LRP6: variants seen among roughly 807,000 people sequenced by gnomAD.
The protein encoded by LRP6 is LDL receptor related protein 6, also known as low-density lipoprotein receptor-related protein 6.
In LRP6, 43 loss-of-function variants were observed where a neutral mutation model predicts 184.1. The observed-to-expected ratio is 0.23, with a 90% CI of 0.18 to 0.30. The LOEUF (loss-of-function observed/expected upper bound fraction) is 0.30. Among genes scored for constraint, LRP6 ranks in the 10% least tolerant of loss-of-function variants. LRP6 has a pLI of 1.00. For synonymous variants in LRP6, 719 were observed against 684.9 expected (o/e 1.05, Z -0.78); for missense variants, 1,571 against 2,005.3 (o/e 0.78, Z 4.14).
chr12:12,266,129 T>A (rs1476466265), intron 1 of LRP6, among the ~76,000 whole-genome samples: 1 of 152,100 alleles, frequency 6.6e-6, no homozygotes, highest in Non-Finnish European at 1.5e-5. Context: ...CGGAGTCACT[T>A]TCCAACTGCG....
chr12:12,124,477 C>T (rs958594341), intron 22 of LRP6, 88 bp downstream of exon 22: 55 of 876,816 alleles, frequency 6.3e-5, no homozygotes, highest in Non-Finnish European at 9.6e-5. Flanking sequence ...TGGTGACCAT[C>T]GTCTACTCAT....
intron 2 of LRP6, among the ~76,000 whole-genome samples, chr12:12,206,314 G>A (rs901235536): frequency 2.0e-4 from 31 of 151,406 alleles, no homozygotes; most frequent in South Asian, 6.3e-4. Flanking sequence ...AGGCCGAGGC[G>A]GGCAGATCAC....
At chr12:12,126,059 C>T (rs1350880560) in intron 20 of LRP6, among the ~76,000 whole-genome samples, 1 of 152,140 alleles carries the variant, frequency 6.6e-6, no homozygotes, top group African/African-American at 2.4e-5. Flanking sequence ...TTTTGCAAGG[C>T]ACCGCCTTCT....
At chr12:12,154,169 C>T (rs904530020) in intron 12 of LRP6, among the ~76,000 whole-genome samples, 1 of 152,218 alleles carries the variant, frequency 6.6e-6, no homozygotes, top group Non-Finnish European at 1.5e-5. Flanking sequence ...TTCATTCCAG[C>T]AACACTAGCT....
intron 16 of LRP6, among the ~76,000 whole-genome samples, 179 bp from the exon 17 acceptor site, chr12:12,135,479 C>CATTATTATTATTATTATTATT (rs35053686): frequency 5.1e-4 from 74 of 144,178 alleles, no homozygotes; most frequent in Non-Finnish European, 8.3e-4. Context: ...TTACTTTTAT[C>CATTATTATTATTATTATTATT]ATTATTATTA....
Position 12,149,118 on chromosome 12 carries a change from C to G in LRP6, c.3030G>C (p.Gln1010His). The change falls in exon 14 of 23, where the codon CAG becomes CAC. Residue 1010 changes from glutamine (Q) to histidine (H), a missense_variant. Around this residue, in one of 4 missense-constraint regions of LRP6, gnomAD observed 763 missense variants for 859.5 expected, o/e 0.89. Coordinates refer to ENST00000261349, the MANE Select transcript of LRP6 (RefSeq NM_002336.3). Reference sequence around the variant, plus strand: ...GGTCATAGGGTTGTATTTCCAGGTTCTGACTCGGAACTGAGCTCACAACCA... The same window carrying G: ...GGTCATAGGGTTGTATTTCCAGGTTGTGACTCGGAACTGAGCTCACAACCA... ...FTVVVSSVPSQNLEIQPYDLS... is the reference protein window; with the variant it reads ...FTVVVSSVPSHNLEIQPYDLS... 1.9e-6 allele frequency: 3 copies of G among 1,613,970 alleles called. No homozygotes were observed. The highest frequency in any genetic ancestry group is 2.5e-6 in the Non-Finnish European group (3 of 1,179,988).
chr12:12,240,610 T>C (rs904801636), intron 2 of LRP6, among the ~76,000 whole-genome samples: 1 of 151,928 alleles, frequency 6.6e-6, no homozygotes, highest in African/African-American at 2.4e-5. Context: ...AATACATACT[T>C]TTAAAATATA....
intron 2 of LRP6, among the ~76,000 whole-genome samples, chr12:12,223,564 ACC>A (rs1218004365): frequency 1.3e-5 from 2 of 152,120 alleles, no homozygotes; most frequent in African/African-American, 2.4e-5. Context: ...TGGGCCTAAC[ACC>A]CTCCCCCAGT....
In LRP6 at chr12:12,183,983, C is replaced by A. The variant is rs750201437; in HGVS notation, c.973G>T (p.Asp325Tyr). Reference protein sequence around the residue: ...KLLENGKTCKDGATELLLLAR... With the variant: ...KLLENGKTCKYGATELLLLAR... Reference sequence around the variant, plus strand: ...ATTTTGGATAATATCTTCTTACCATCTTTGCAGGTTTTTCCATTCTCCAGG... The same window carrying A: ...ATTTTGGATAATATCTTCTTACCATATTTGCAGGTTTTTCCATTCTCCAGG... Residue 325 changes from aspartate (D) to tyrosine (Y), a missense_variant, in exon 5 of 23, where the codon GAT (aspartate) becomes TAT (tyrosine). Physicochemically the swap from Asp to Tyr is radical, Grantham distance 160. Coordinates refer to ENST00000261349, the MANE Select transcript of LRP6 (RefSeq NM_002336.3). 6.2e-7 allele frequency: 1 copy of A among 1,613,234 alleles called. No homozygotes were observed. The highest frequency in any genetic ancestry group is 1.1e-5 in the South Asian group (1 of 91,052).
In LRP6 at chr12:12,158,918, G is replaced by T; in HGVS notation, c.2702C>A (p.Ser901Tyr). 1.2e-6 allele frequency: 2 copies of T among 1,614,216 alleles called. No individual in the cohort carries two copies. Among genetic ancestry groups the T allele is most frequent in the Non-Finnish European group, 1.7e-6 (2 of 1,180,038 alleles). ...NECASSNGHC[S>Y]HLCLAVPVGG... ...AACTGGCACAGCCAAGCAGAGGTGGGAGCAGTGCCCATTGCTGGAAGCACA... is the reference window on the plus strand; with the variant it reads ...AACTGGCACAGCCAAGCAGAGGTGGTAGCAGTGCCCATTGCTGGAAGCACA... The change falls in exon 12 of 23, where the codon TCC (serine) becomes TAC (tyrosine). Residue 901 changes from serine to tyrosine, a missense_variant. Ser to Tyr is a moderately radical substitution (Grantham distance 144). Around this residue, in one of 4 missense-constraint regions of LRP6, gnomAD observed 158 missense variants for 258.4 expected, o/e 0.61. Transcript: ENST00000261349.
intron 9 of LRP6, among the ~76,000 whole-genome samples, chr12:12,163,268 C>T (rs1454839382): frequency 6.6e-6 from 1 of 152,124 alleles, no homozygotes; most frequent in Non-Finnish European, 1.5e-5. Flanking sequence ...TGAGTCACCG[C>T]ACCCAGCCAC....
intron 12 of LRP6, among the ~76,000 whole-genome samples, chr12:12,152,485 C>G (rs1950095552): frequency 6.6e-6 from 1 of 151,980 alleles, no homozygotes; most frequent in Non-Finnish European, 1.5e-5. Context: ...CAGGGTTTCA[C>G]CATGCTGGTC....
chr12:12,259,349 T>C (rs1268525091), intron 1 of LRP6, among the ~76,000 whole-genome samples: 1 of 152,132 alleles, frequency 6.6e-6, no homozygotes, highest in Non-Finnish European at 1.5e-5. Context: ...TGTTAATAAC[T>C]TACATAACTT....
chr12:12,205,325 CAAACAAA>C lies in LRP6; in HGVS notation c.450-1932_450-1926del, dbSNP rs1385223877. On this transcript the variant is annotated intron_variant, in intron 2 of 22. Coordinates refer to ENST00000261349, the MANE Select transcript of LRP6 (RefSeq NM_002336.3). ...CAACAGAATAAGACTCTGTCTCAAA[CAAACAAA>C]AAAAAAAAAAAAAAAAAAAAAAAAG... 9.6e-3 allele frequency among the ~76,000 whole-genome samples: 251 copies of C among 26,202 alleles called. 1 individual carries two copies. Among genetic ancestry groups the C allele is most frequent in the East Asian group, 0.029 (10 of 344 alleles). The allele number at this position is 26,202 out of a possible 152,430, so 17.2% of individuals were successfully genotyped here.
At chr12:12,225,523 A>G (rs1284584563) in intron 2 of LRP6, among the ~76,000 whole-genome samples, 1 of 152,128 alleles carries the variant, frequency 6.6e-6, no homozygotes, top group African/African-American at 2.4e-5. Context: ...TGAAAGTTAA[A>G]AACTCTAGGG....
chr12:12,220,019 G>T (rs1000082800), intron 2 of LRP6, among the ~76,000 whole-genome samples: 2 of 152,182 alleles, frequency 1.3e-5, no homozygotes, highest in African/African-American at 2.4e-5. Flanking sequence ...GGGCACGGTG[G>T]TTCACGCCTG....
At chr12:12,178,024 G>A (rs1341106819) in intron 7 of LRP6, among the ~76,000 whole-genome samples, 96 of 149,998 alleles carry the variant, frequency 6.4e-4, no homozygotes, top group Non-Finnish European at 1.0e-4. Context: ...GTGTCTGTAT[G>A]TATATATATA....
At position 12,150,840 on chromosome 12, in the gene LRP6, C is replaced by G; in HGVS notation, c.2990G>C (p.Ser997Thr). ...NMIRKAQEDG[S>T]QGFTVVVSSV... ...TTGAACCAAGCTCTCAATTACCTGG[C>G]TGCCATCTTCTTGTGCCTTTCGGAT... Residue 997 changes from serine to threonine, a missense_variant, in exon 13 of 23, where the codon AGC becomes ACC. Coordinates refer to ENST00000261349, the MANE Select transcript of LRP6 (RefSeq NM_002336.3). The G allele has an allele frequency of 6.2e-7, 1 of 1,613,458 alleles. No homozygotes were observed. The highest frequency in any genetic ancestry group is 8.5e-7 in the Non-Finnish European group (1 of 1,179,986).
chr12:12,221,499 CA>C (rs1174050080), intron 2 of LRP6, among the ~76,000 whole-genome samples: 1 of 152,124 alleles, frequency 6.6e-6, no homozygotes, highest in African/African-American at 2.4e-5. Flanking sequence ...ATACCTACAA[CA>C]AAAAATTTCA....
Sources: allele counts gnomAD v4.1 joint callset (sites outside exome capture counted in the v4.1 genomes callset), GRCh38; gene constraint gnomAD v4.1.1; regional missense constraint gnomAD v4.1.1; transcripts MANE v1.5; gene names NCBI Gene and HGNC (gene_info 2026-07-23, HGNC 2026-07-21).